Variants in RAP1A observed in about 807,000 individuals in gnomAD.
RAP1A encodes RAP1A, member of RAS oncogene family.
Under a neutral mutation model 26.4 loss-of-function variants are expected in RAP1A, and 6 were observed. The observed-to-expected ratio is 0.23, with a 90% CI of 0.12 to 0.45. RAP1A has a LOEUF of 0.45. Among genes scored for constraint, RAP1A ranks in the 20% least tolerant of loss-of-function variants. RAP1A has a pLI of 0.99. For synonymous variants in RAP1A, 73 were observed against 79.4 expected (o/e 0.92, Z 0.43); for missense variants, 121 against 217.2 (o/e 0.56, Z 2.78).
At chr1:111,556,314 C>T (rs1657491227) in intron 1 of RAP1A, among the ~76,000 whole-genome samples, 1 of 152,098 alleles carries the variant, frequency 6.6e-6, no homozygotes, top group Non-Finnish European at 1.5e-5. Flanking sequence ...AATTATTGTG[C>T]ACTGCTGATG....
At chr1:111,649,338 C>G in intron 1 of RAP1A, 2 of 405,710 alleles carry the variant, frequency 4.9e-6, no homozygotes, top group Non-Finnish European at 9.6e-6. Flanking sequence ...TCTCCTCATT[C>G]TGGATGCCTC....
intron 2 of RAP1A, among the ~76,000 whole-genome samples, chr1:111,695,051 A>G (rs1354676109): frequency 3.9e-5 from 6 of 152,202 alleles, no homozygotes; most frequent in Non-Finnish European, 2.9e-5. Flanking sequence ...TTCATGTTTT[A>G]ATTAGTTCAG....
At chr1:111,678,502 A>G (rs1439237655) in intron 1 of RAP1A, among the ~76,000 whole-genome samples, 1 of 152,212 alleles carries the variant, frequency 6.6e-6, no homozygotes, top group Admixed American at 6.5e-5. Context: ...CACAGAGTGT[A>G]CTTACACAAA....
At chr1:111,691,541 C>G (rs1009567682) in intron 2 of RAP1A, 124 bp downstream of exon 2, 1 of 784,874 alleles carries the variant, frequency 1.3e-6, no homozygotes, top group East Asian at 2.7e-5. Context: ...GATATCTGTC[C>G]CACAAAGGAC....
chr1:111,703,526 A>C (rs773037720), intron 5 of RAP1A, 50 bp downstream of exon 5: 1 of 1,419,898 alleles, frequency 7.0e-7, no homozygotes, highest in East Asian at 2.4e-5. Context: ...TCTGTGGCCA[A>C]ATAAAAAAGT....
intron 1 of RAP1A, among the ~76,000 whole-genome samples, chr1:111,675,246 C>T (rs1181272940): frequency 6.6e-6 from 1 of 152,048 alleles, no homozygotes; most frequent in East Asian, 1.9e-4. Flanking sequence ...CTTTGGGAGG[C>T]CGAGGCGGGT....
At chr1:111,569,391 CAAAAA>C (rs34387699) in intron 1 of RAP1A, among the ~76,000 whole-genome samples, 3 of 104,530 alleles carry the variant, frequency 2.9e-5, no homozygotes. Flanking sequence ...ACTCCGTCTC[CAAAAA>C]AAAAAAAAAA....
intron 1 of RAP1A, among the ~76,000 whole-genome samples, chr1:111,629,247 GTGT>G (rs2101100710): frequency 6.6e-6 from 1 of 152,140 alleles, no homozygotes; most frequent in African/African-American, 2.4e-5. Flanking sequence ...ATTACTTTTA[GTGT>G]TCCTGTTTTC....
chr1:111,647,033 CA>C (rs992286113), intron 1 of RAP1A, among the ~76,000 whole-genome samples: 8 of 152,120 alleles, frequency 5.3e-5, no homozygotes, highest in Non-Finnish European at 5.9e-5. Context: ...ACCCTTAGAT[CA>C]GGGGTCTCCA....
chr1:111,648,946 A>AG, intron 1 of RAP1A: 1 of 689,420 alleles, frequency 1.5e-6, no homozygotes, highest in Non-Finnish European at 2.7e-6. Flanking sequence ...TTCTTCATGA[A>AG]GAACAGCTCT....
chr1:111,558,157 T>A (rs930620377), intron 1 of RAP1A, among the ~76,000 whole-genome samples: 4 of 152,136 alleles, frequency 2.6e-5, no homozygotes. Flanking sequence ...ACTCTTTGGG[T>A]TAAAAAAGTC....
intron 1 of RAP1A, among the ~76,000 whole-genome samples, chr1:111,587,811 T>C (rs1658405139): frequency 6.6e-6 from 1 of 152,200 alleles, no homozygotes; most frequent in Non-Finnish European, 1.5e-5. Flanking sequence ...CTTACCTCAC[T>C]TGACCCCTCT....
chr1:111,633,552 C>T (rs970691285), intron 1 of RAP1A, among the ~76,000 whole-genome samples: 7 of 152,112 alleles, frequency 4.6e-5, no homozygotes, highest in Admixed American at 6.5e-5. Flanking sequence ...GTTTCTTTTT[C>T]GTTCAACTGG....
intron 1 of RAP1A, among the ~76,000 whole-genome samples, chr1:111,559,637 T>C (rs1657650138): frequency 2.0e-5 from 3 of 152,212 alleles, no homozygotes; most frequent in Non-Finnish European, 2.9e-5. Context: ...TTTGGGAAAG[T>C]ATAAGCATTA....
chr1:111,704,278 T>TC, intron 5 of RAP1A, 65 bp from the exon 6 acceptor site: 1 of 1,524,680 alleles, frequency 6.6e-7, no homozygotes, highest in South Asian at 1.2e-5. Context: ...ATTGCTTATT[T>TC]ATTTTTTTAA....
intron 1 of RAP1A, among the ~76,000 whole-genome samples, chr1:111,590,605 T>C (rs1445479349): frequency 6.6e-6 from 1 of 152,024 alleles, no homozygotes; most frequent in Non-Finnish European, 1.5e-5. Flanking sequence ...TTTTTTTTTT[T>C]TAAGAGATGG....
At chr1:111,656,778 C>T (rs979801369) in intron 1 of RAP1A, among the ~76,000 whole-genome samples, 7 of 151,746 alleles carry the variant, frequency 4.6e-5, no homozygotes, top group African/African-American at 1.7e-4. Context: ...GGCTTCTCTG[C>T]TCTGATTGTT....
chr1:111,697,234 A>G (rs1017185045), intron 3 of RAP1A, among the ~76,000 whole-genome samples: 2 of 152,158 alleles, frequency 1.3e-5, no homozygotes, highest in African/African-American at 2.4e-5. Context: ...CTCAGCATTA[A>G]CCATCTTGGC....
chr1:111,619,559 TCCG>T, upstream of RAP1A, among the ~76,000 whole-genome samples: 2 of 152,332 alleles, frequency 1.3e-5, no homozygotes, highest in East Asian at 3.9e-4. Flanking sequence ...TCATCTTTTT[TCCG>T]GTCTTACCCA....
Sources: allele counts gnomAD v4.1 joint callset (sites outside exome capture counted in the v4.1 genomes callset), GRCh38; gene constraint gnomAD v4.1.1; transcripts MANE v1.5; gene names NCBI Gene and HGNC (gene_info 2026-07-23, HGNC 2026-07-21).